HIPK1: variants seen among roughly 807,000 people sequenced by gnomAD.
HIPK1 encodes the protein homeodomain-interacting protein kinase 1.
In HIPK1, 28 loss-of-function variants were observed where a neutral mutation model predicts 117.1. The observed-to-expected ratio is 0.24, with a 90% CI of 0.18 to 0.33. The LOEUF is 0.33. Ranked by LOEUF, HIPK1 falls within the 10% of genes least tolerant of loss-of-function variation. The pLI, the probability that HIPK1 is intolerant of heterozygous loss-of-function variation, is 1.00. For synonymous variants in HIPK1, 605 were observed against 562.5 expected, an observed-to-expected ratio of 1.08 and a Z score of -1.07; for missense variants, 1,122 against 1,475.1, an observed-to-expected ratio of 0.76 and a Z score of 3.92.
intron 13 of HIPK1, among the ~76,000 whole-genome samples, chr1:113,969,474 G>A (rs1392052028): frequency 1.3e-5 from 2 of 152,212 alleles, no homozygotes; most frequent in African/African-American, 2.4e-5. Context: ...TCAGTGAGAT[G>A]TATGTGGAGC....
At chr1:113,962,721 TTTG>T (rs567820250) in intron 9 of HIPK1, among the ~76,000 whole-genome samples, 342 of 152,292 alleles carry the variant, frequency 2.2e-3, no homozygotes, top group African/African-American at 7.9e-3. Context: ...AGCGTTTTTT[TTTG>T]TTGTTGTTTG....
At chr1:113,933,280 T>C in intron 1 of HIPK1, 4 of 777,558 alleles carry the variant, frequency 5.1e-6, no homozygotes, top group Non-Finnish European at 6.2e-6. Context: ...GAAAATGAAG[T>C]TCAGAGAGGA....
At chr1:113,962,496 A>G in intron 9 of HIPK1, 58 bp downstream of exon 9, 1 of 1,545,494 alleles carries the variant, frequency 6.5e-7, no homozygotes, top group Non-Finnish European at 8.8e-7. Flanking sequence ...AGATTCAGAT[A>G]TTTTGTCCTA....
intron 7 of HIPK1, among the ~76,000 whole-genome samples, chr1:113,957,854 C>T (rs1234621808): frequency 4.0e-5 from 6 of 149,540 alleles, no homozygotes; most frequent in South Asian, 2.1e-4. Flanking sequence ...TAGGACCATT[C>T]GTTTTTTTTT....
intron 1 of HIPK1, chr1:113,930,088 C>G: frequency 1.3e-5 from 12 of 919,802 alleles, no homozygotes; most frequent in Non-Finnish European, 1.4e-5. Flanking sequence ...GGACCGGGCG[C>G]CGCGTCTTGC....
At chr1:113,967,644 G>C (rs1364972987) in intron 11 of HIPK1, 122 bp from the exon 12 acceptor site, 2 of 536,646 alleles carry the variant, frequency 3.7e-6, no homozygotes, top group African/African-American at 3.9e-5. Flanking sequence ...TCAGATGGTA[G>C]GTGCTCAACT....
Position 113,973,251 on chromosome 1 carries a change from C to T in HIPK1, c.3372C>T (p.Gly1124=). 1 of 1,614,162 alleles carries T rather than the reference C, an allele frequency of 6.2e-7. No individual in the cohort carries two copies. Among genetic ancestry groups the T allele is most frequent in the Non-Finnish European group, 8.5e-7 (1 of 1,180,030 alleles). Residue 1124 remains glycine (G), a synonymous_variant, in exon 16 of 16, where the codon GGC becomes GGT. Transcript: ENST00000426820. ...CCCCGACTTCTGCTGCTGCACTGGG[C>T]TCAACCAGCTCCATTGCTCATCTTT... ...YAAPTSAAAL[G]STSSIAHLFS...
chr1:113,972,948 G>A (rs184945484), intron 15 of HIPK1, 76 bp from the exon 16 acceptor site: 80 of 1,464,400 alleles, frequency 5.5e-5, no homozygotes, highest in Non-Finnish European at 7.0e-5. Context: ...GTCAGAACCT[G>A]AGCTCTTAAC....
chr1:113,951,537 C>T (rs1045102388), intron 2 of HIPK1, among the ~76,000 whole-genome samples: 2 of 152,200 alleles, frequency 1.3e-5, no homozygotes, highest in African/African-American at 4.8e-5. Flanking sequence ...AGTTCCCTAG[C>T]ATTTTATTTC....
Position 113,938,939 on chromosome 1 carries a change from C to T in HIPK1, c.-2-1443C>T, listed in dbSNP as rs1170261224. ...AAAAAAAAAAAAAAATACACACACA[C>T]ACACACACACACACACACACACACT... On this transcript the variant is annotated intron_variant, in intron 1 of 15. Transcript: ENST00000426820. Among the ~76,000 whole-genome samples the T allele has an allele frequency of 2.3e-4, 18 of 78,732 alleles. 1 individual carries two copies. The highest frequency in any genetic ancestry group is 4.3e-4 in the African/African-American group (9 of 20,738). 51.7% of individuals were successfully genotyped at this position (78,732 alleles called of 152,430 possible).
rs1670603906 is a variant in HIPK1, at chr1:113,940,889, C to G, written c.506C>G (p.Ser169Cys). Reference sequence around the variant, plus strand: ...ACTGTGACCACAAAGAGTAGCAGTTCCAGCGGAGAAGGGGATTACCAGCTG... The same window carrying G: ...ACTGTGACCACAAAGAGTAGCAGTTGCAGCGGAGAAGGGGATTACCAGCTG... ...TTTVTTKSSSSSGEGDYQLVQ... is the reference protein window; with the variant it reads ...TTTVTTKSSSCSGEGDYQLVQ... Residue 169 changes from serine (S) to cysteine (C), a missense_variant, in exon 2 of 16, where the codon TCC becomes TGC. By Grantham distance (112) the Ser-to-Cys change is moderately radical. Transcript: ENST00000426820. 1.2e-6 allele frequency: 2 copies of G among 1,614,120 alleles called. No homozygotes were observed. Among genetic ancestry groups the G allele is most frequent in the African/African-American group, 1.3e-5 (1 of 75,006 alleles).
intron 1 of HIPK1, among the ~76,000 whole-genome samples, chr1:113,932,805 A>G (rs956230914): frequency 2.6e-5 from 4 of 152,036 alleles, no homozygotes; most frequent in Non-Finnish European, 5.9e-5. Flanking sequence ...TCCTTACTCT[A>G]CACGGTTTTT....
intron 1 of HIPK1, among the ~76,000 whole-genome samples, chr1:113,939,692 A>G (rs1670517451): frequency 6.6e-6 from 1 of 152,160 alleles, no homozygotes; most frequent in Non-Finnish European, 1.5e-5. Context: ...AGGGATTACT[A>G]TAGAGCCCCA....
intron 3 of HIPK1, among the ~76,000 whole-genome samples, chr1:113,953,253 C>G (rs1326351934): frequency 6.6e-6 from 1 of 152,114 alleles, no homozygotes; most frequent in Non-Finnish European, 1.5e-5. Flanking sequence ...TTACTCGGAG[C>G]TATTATAATT....
intron 5 of HIPK1, 49 bp downstream of exon 5, chr1:113,955,698 A>G (rs753829564): frequency 2.0e-6 from 2 of 999,168 alleles, no homozygotes; most frequent in Admixed American, 2.0e-5. Flanking sequence ...TTAATCAGAG[A>G]CACTTCTGTT....
chr1:113,941,350 C>G lies in HIPK1; in HGVS notation c.967C>G (p.Leu323Val), dbSNP rs1445514974. The G allele has an allele frequency of 1.9e-6, 3 of 1,614,116 alleles. No individual in the cohort carries two copies. The highest frequency in any genetic ancestry group is 2.7e-5 in the African/African-American group (2 of 74,940). ...HADLKPENIM[L>V]VDPVRQPYRV... ...TGACCTTAAGCCTGAAAACATCATG[C>G]TGGTTGATCCAGTTCGCCAGCCCTA... Residue 323 changes from leucine to valine, a missense_variant, in exon 2 of 16, where the codon CTG becomes GTG. Transcript: ENST00000426820. The surrounding 1 kb of genome is among the most constrained non-coding windows in gnomAD (Gnocchi z 4.9).
At chr1:113,961,731 G>A (rs933407664) in intron 8 of HIPK1, among the ~76,000 whole-genome samples, 1 of 152,000 alleles carries the variant, frequency 6.6e-6, no homozygotes, top group Non-Finnish European at 1.5e-5. Flanking sequence ...AGATCATGAG[G>A]TCAGGAGTTC....
At position 113,974,509 on chromosome 1, in the gene HIPK1, A is replaced by G. The variant is rs938030946; in HGVS notation, c.*997A>G. ...TCAGTAATACACCTCTGTTTTGCTC[A>G]TCTCTCCCTTCTGTTTTATGTGATT... On this transcript the variant is annotated 3_prime_UTR_variant, in exon 16 of 16. Transcript: ENST00000426820. The G allele has an allele frequency of 2.0e-5, 3 of 152,672 alleles. No individual in the cohort carries two copies. Among genetic ancestry groups the G allele is most frequent in the Non-Finnish European group, 4.4e-5 (3 of 68,038 alleles). The allele number at this position is 152,672 out of a possible 1,614,324, so 9.5% of individuals were successfully genotyped here.
chr1:113,962,328 G>T lies in HIPK1; in HGVS notation c.1993G>T (p.Ala665Ser). The T allele has an allele frequency of 6.2e-7, 1 of 1,613,636 alleles. No homozygotes were observed. The highest frequency in any genetic ancestry group is 8.5e-7 in the Non-Finnish European group (1 of 1,179,714). ...GCTGTTTTCAATAGCTGGACTACAA[G>T]CAACAACAAAGCATTCTGGATTCCC... ...CPPAFQTGLQ[A>S]TTKHSGFPVR... Residue 665 changes from alanine (A) to serine (S), a missense_variant, in exon 9 of 16, where the codon GCA becomes TCA. Physicochemically the swap from Ala to Ser is moderately conservative, Grantham distance 99. Around this residue, in one of 6 missense-constraint regions of HIPK1, gnomAD observed 731 missense variants for 860.4 expected, o/e 0.85. Coordinates refer to ENST00000426820, the MANE Select transcript of HIPK1 (RefSeq NM_198268.3).
Sources: allele counts gnomAD v4.1 joint callset (sites outside exome capture counted in the v4.1 genomes callset), GRCh38; gene constraint gnomAD v4.1.1; regional missense constraint gnomAD v4.1.1; non-coding constraint Gnocchi (gnomAD v3.1); transcripts MANE v1.5; gene names NCBI Gene and HGNC (gene_info 2026-07-23, HGNC 2026-07-21).